TAF4B: variants seen among roughly 807,000 people sequenced by gnomAD.
TAF4B encodes transcription initiation factor TFIID subunit 4B.
In TAF4B, 38 loss-of-function variants were observed where a neutral mutation model predicts 86.4. The ratio of observed to expected loss-of-function variants is 0.44; its 90% confidence interval spans 0.34 to 0.58. The LOEUF (loss-of-function observed/expected upper bound fraction) is 0.58. Among genes scored for constraint, TAF4B ranks in the 20% least tolerant of loss-of-function variants. The pLI is 0.02. For missense variants in TAF4B, 988 were observed against 1,027.6 expected (o/e 0.96, Z 0.53); for synonymous variants, 388 against 391.2 (o/e 0.99, Z 0.10).
intron 9 of TAF4B, among the ~76,000 whole-genome samples, chr18:26,297,911 C>T (rs1285343935): frequency 6.6e-6 from 1 of 152,078 alleles, no homozygotes; most frequent in East Asian, 1.9e-4. Context: ...CTATGGGAAG[C>T]CACCACACTA....
chr18:26,375,301 GTTCA>G lies in TAF4B; in HGVS notation c.2422-14538_2422-14535del, dbSNP rs373164828. 7.8e-4 allele frequency among the ~76,000 whole-genome samples: 119 copies of G among 152,226 alleles called. 1 individual carries two copies. The East Asian group carries it at 0.012, about 15-fold the overall frequency. On this transcript the variant is annotated intron_variant, in intron 14 of 14. Transcript: ENST00000269142. ...ATTCCATTGTATGAATATGCATTTT[GTTCA>G]TTCATCAGCTGAAGGACATTTGGTT...
intron 1 of TAF4B, chr18:26,256,113 C>G: frequency 6.4e-7 from 1 of 1,554,332 alleles, no homozygotes; most frequent in Non-Finnish European, 8.9e-7. Context: ...CTGGGTCCAG[C>G]CCTTGCATCT....
intron 14 of TAF4B, among the ~76,000 whole-genome samples, chr18:26,368,781 C>T (rs1042022065): frequency 1.3e-5 from 2 of 151,824 alleles, no homozygotes; most frequent in African/African-American, 4.8e-5. Context: ...CATAAATGAC[C>T]TAGACATAAA....
chr18:26,371,182 A>C (rs2057403696), intron 14 of TAF4B, among the ~76,000 whole-genome samples: 1 of 152,238 alleles, frequency 6.6e-6, no homozygotes, highest in South Asian at 2.1e-4. Flanking sequence ...TTAAAGTAAC[A>C]GCATGCTCTA....
In TAF4B at chr18:26,227,238, C is replaced by G. The variant is rs1568086457; in HGVS notation, c.305C>G (p.Thr102Arg). Residue 102 changes from threonine (T) to arginine (R), a missense_variant, in exon 1 of 15, where the codon ACG becomes AGG. Thr to Arg is a moderately conservative substitution (Grantham distance 71, BLOSUM62 -1). Around this residue, in one of 3 missense-constraint regions of TAF4B, gnomAD observed 747 missense variants for 737.9 expected, o/e 1.01. Transcript: ENST00000269142. ...GTCGCCGTGAAAGCCCCCAACACCA[C>G]GACAATCCAGTTTCCTGCTAATTTG... ...QIVAVKAPNT[T>R]TIQFPANLQL... 6.2e-7 allele frequency: 1 copy of G among 1,613,584 alleles called. No individual in the cohort carries two copies. Among genetic ancestry groups the G allele is most frequent in the Non-Finnish European group, 8.5e-7 (1 of 1,179,786 alleles).
At chr18:26,298,379 C>T (rs1316728457) in intron 9 of TAF4B, among the ~76,000 whole-genome samples, 1 of 151,594 alleles carries the variant, frequency 6.6e-6, no homozygotes, top group Non-Finnish European at 1.5e-5. Context: ...TAGGCGCCCG[C>T]AACCACACTC....
chr18:26,359,679 C>T (rs533737742), intron 14 of TAF4B, among the ~76,000 whole-genome samples: 33 of 152,134 alleles, frequency 2.2e-4, no homozygotes, highest in African/African-American at 7.7e-4. Flanking sequence ...TATATAGCAC[C>T]GCCCTGCTCC....
intron 14 of TAF4B, among the ~76,000 whole-genome samples, chr18:26,360,644 A>G (rs749850390): frequency 6.6e-6 from 1 of 152,144 alleles, no homozygotes; most frequent in Non-Finnish European, 1.5e-5. Flanking sequence ...TGACGTGTGT[A>G]TTTAGCTTTA....
At chr18:26,238,663 A>G (rs1029406013) in intron 1 of TAF4B, among the ~76,000 whole-genome samples, 1 of 151,970 alleles carries the variant, frequency 6.6e-6, no homozygotes, top group African/African-American at 2.4e-5. Flanking sequence ...ATATGTATAC[A>G]TGTGCCATGT....
In TAF4B at chr18:26,315,270, T is replaced by C. The variant is rs202202246; in HGVS notation, c.1874T>C (p.Val625Ala). 13 of 1,609,524 alleles carry C rather than the reference T, an allele frequency of 8.1e-6. No individual in the cohort carries two copies. In the African/African-American group the frequency reaches 1.7e-4, roughly 22 times the overall value. Residue 625 changes from valine to alanine, a missense_variant, in exon 10 of 15, where the codon GTC (valine) becomes GCC (alanine). Transcript: ENST00000269142. Reference protein sequence around the residue: ...DINDVTSMAGVNLNEENACIL... With the variant: ...DINDVTSMAGANLNEENACIL... ...AATGATGTGACTTCTATGGCAGGGG[T>C]CAACCTTAATGAAGAAAATGCCTGC... is the stretch of plus-strand genomic sequence containing the variant.
chr18:26,327,727 G>A (rs1373755068), intron 12 of TAF4B, among the ~76,000 whole-genome samples: 3 of 152,052 alleles, frequency 2.0e-5, no homozygotes, highest in East Asian at 1.9e-4. Context: ...CTGCCACCAC[G>A]CCTGGCTAAT....
At chr18:26,357,645 CATGA>C in intron 13 of TAF4B, 41 bp from the exon 14 acceptor site, 1 of 1,343,896 alleles carries the variant, frequency 7.4e-7, no homozygotes, top group African/African-American at 1.5e-5. Flanking sequence ...TCCCTCTGAG[CATGA>C]ATGTGTATAA....
At chr18:26,335,913 C>G (rs2057086597) in intron 13 of TAF4B, among the ~76,000 whole-genome samples, 1 of 152,146 alleles carries the variant, frequency 6.6e-6, no homozygotes, top group African/African-American at 2.4e-5. Flanking sequence ...GAAAAAAGCT[C>G]CACTAATTGG....
chr18:26,250,327 C>T lies in TAF4B; in HGVS notation c.344-14843C>T, dbSNP rs1311806995. Among the ~76,000 whole-genome samples, 4 of 152,064 alleles carry T rather than the reference C, an allele frequency of 2.6e-5. No homozygotes were observed. The South Asian group carries it at 8.3e-4, about 32-fold the overall frequency. On this transcript the variant is annotated intron_variant, in intron 1 of 14. Coordinates refer to ENST00000269142, the MANE Select transcript of TAF4B (RefSeq NM_005640.3). ...CCTGGCTAACACGGTGAAACCCTGT[C>T]TCTACTACAAATACAAAAAATTAGC... is the stretch of plus-strand genomic sequence containing the variant.
chr18:26,357,891 G>C (rs909956243), intron 14 of TAF4B, 97 bp downstream of exon 14: 2 of 756,566 alleles, frequency 2.6e-6, no homozygotes, highest in Non-Finnish European at 4.0e-6. Context: ...TATGCACGCT[G>C]TTGCTGCCAG....
At chr18:26,278,872 T>C (rs745498789) in intron 5 of TAF4B, among the ~76,000 whole-genome samples, 12 of 152,138 alleles carry the variant, frequency 7.9e-5, no homozygotes, top group Non-Finnish European at 4.4e-5. Context: ...GGAACTGCTG[T>C]TATGGATTTA....
intron 9 of TAF4B, 101 bp downstream of exon 9, chr18:26,293,632 T>C: frequency 1.5e-6 from 1 of 649,892 alleles, no homozygotes; most frequent in Non-Finnish European, 2.5e-6. Flanking sequence ...TACTGATGCC[T>C]TTTTACAAAG....
intron 14 of TAF4B, among the ~76,000 whole-genome samples, chr18:26,375,094 C>T (rs921493698): frequency 3.9e-5 from 6 of 152,186 alleles, no homozygotes; most frequent in African/African-American, 1.2e-4. Context: ...CTCTCAGTTC[C>T]TGACAACCGG....
At chr18:26,308,490 T>A (rs537906652) in intron 9 of TAF4B, among the ~76,000 whole-genome samples, 1 of 152,196 alleles carries the variant, frequency 6.6e-6, no homozygotes, top group African/African-American at 2.4e-5. Context: ...GCATATCTTA[T>A]TTATTTGTCA....
Sources: gnomAD v4.1 joint callset for allele counts (sites outside exome capture counted in the v4.1 genomes callset) on GRCh38, gnomAD v4.1.1 for gene constraint, gnomAD v4.1.1 regional missense constraint, MANE v1.5 for transcripts, NCBI Gene and HGNC (gene_info 2026-07-23, HGNC 2026-07-21) for gene names.